Variants in KHDRBS2 observed in about 807,000 individuals in gnomAD.
The protein encoded by KHDRBS2 is KH domain-containing, RNA-binding, signal transduction-associated protein 2.
In KHDRBS2, 26 loss-of-function variants were observed where a neutral mutation model predicts 44.3. The observed-to-expected ratio is 0.59, with a 90% CI of 0.43 to 0.81. The LOEUF (loss-of-function observed/expected upper bound fraction) is 0.81, where lower values mean the gene tolerates loss of function less well. Among genes scored for constraint, KHDRBS2 ranks in the 40% least tolerant of loss-of-function variants. The pLI is 0.00. For synonymous variants in KHDRBS2, 194 were observed against 151.1 expected, an observed-to-expected ratio of 1.28 and a Z score of -2.08; for missense variants, 476 against 433.1, an observed-to-expected ratio of 1.10 and a Z score of -0.88.
the KHDRBS2 span, among the ~76,000 whole-genome samples, chr6:61,555,399 T>A: frequency 2.0e-5 from 3 of 152,200 alleles, no homozygotes; most frequent in Admixed American, 6.5e-5. Flanking sequence ...TCATCTTTCA[T>A]CTTCTGTATC....
intron 4 of KHDRBS2, among the ~76,000 whole-genome samples, chr6:61,947,099 T>C (rs1487634272): frequency 6.6e-6 from 1 of 152,200 alleles, no homozygotes; most frequent in Non-Finnish European, 1.5e-5. Flanking sequence ...CTTAAGCATC[T>C]ATCTAAAACT....
intron 7 of KHDRBS2, among the ~76,000 whole-genome samples, chr6:61,714,632 G>T (rs1224760395): frequency 6.6e-6 from 1 of 151,824 alleles, no homozygotes; most frequent in East Asian, 1.9e-4. Flanking sequence ...CTATAGCAAA[G>T]ATATGTAATC....
Position 62,072,047 on chromosome 6 carries a change from G to C in KHDRBS2, c.220-24053C>G, listed in dbSNP as rs529868648. On this transcript the variant is annotated intron_variant, in intron 2 of 8. Coordinates refer to ENST00000281156, the MANE Select transcript of KHDRBS2 (RefSeq NM_152688.4). ...AGTGGTTTGTAGTTCTCCTTGAAGA[G>C]GTCTTTCACATCCCTTGCAAGTTGG... is the stretch of plus-strand genomic sequence containing the variant. 9.3e-4 allele frequency among the ~76,000 whole-genome samples: 141 copies of C among 152,148 alleles called. 2 individuals carry two copies. The South Asian group carries it at 0.01, about 11-fold the overall frequency.
At chr6:61,931,360 A>C (rs1305719412) in intron 4 of KHDRBS2, among the ~76,000 whole-genome samples, 7 of 152,014 alleles carry the variant, frequency 4.6e-5, no homozygotes, top group Admixed American at 2.0e-4. Context: ...ATGAAAGTAT[A>C]GTATTACCCA....
chr6:61,952,017 C>A (rs1562503749), intron 4 of KHDRBS2, among the ~76,000 whole-genome samples: 1 of 152,008 alleles, frequency 6.6e-6, no homozygotes. Context: ...AAAGTTTGCA[C>A]TGGAGAATAA....
chr6:61,723,759 T>C (rs547929434), intron 7 of KHDRBS2, among the ~76,000 whole-genome samples: 2 of 152,106 alleles, frequency 1.3e-5, no homozygotes, highest in South Asian at 4.2e-4. Context: ...AAGATAGGCA[T>C]ACAAGAATAG....
chr6:61,798,756 G>A (rs1308454355), intron 6 of KHDRBS2, among the ~76,000 whole-genome samples: 1 of 151,782 alleles, frequency 6.6e-6, no homozygotes, highest in African/African-American at 2.4e-5. Flanking sequence ...GTTTTCCAGT[G>A]CTTTTACTCT....
chr6:61,978,852 T>C (rs1773264215), intron 3 of KHDRBS2, among the ~76,000 whole-genome samples: 1 of 152,124 alleles, frequency 6.6e-6, no homozygotes, highest in South Asian at 2.1e-4. Context: ...TGATTCTGCA[T>C]GGGCTACGTA....
intron 6 of KHDRBS2, among the ~76,000 whole-genome samples, chr6:61,749,303 G>A (rs1259990449): frequency 2.6e-5 from 4 of 152,140 alleles, no homozygotes; most frequent in East Asian, 1.9e-4. Context: ...GTGAGCCACC[G>A]TGCCCCGCCT....
intron 4 of KHDRBS2, among the ~76,000 whole-genome samples, chr6:61,966,771 T>C (rs903144557): frequency 7.2e-5 from 11 of 152,002 alleles, no homozygotes; most frequent in Non-Finnish European, 1.0e-4. Context: ...ATAAAACCAC[T>C]AGGATCAGGT....
chr6:62,016,904 T>G (rs1781313938), intron 3 of KHDRBS2, among the ~76,000 whole-genome samples: 1 of 152,078 alleles, frequency 6.6e-6, no homozygotes, highest in Non-Finnish European at 1.5e-5. Flanking sequence ...TTGTTTCTCT[T>G]ATTTAAATTT....
intron 3 of KHDRBS2, among the ~76,000 whole-genome samples, chr6:62,040,661 T>C (rs148466573): frequency 5.6e-4 from 85 of 152,260 alleles, no homozygotes; most frequent in African/African-American, 1.9e-3. Context: ...CTGGCACCTA[T>C]ACATGGCCTT....
intron 8 of KHDRBS2, among the ~76,000 whole-genome samples, chr6:61,689,016 A>G (rs1230484019): frequency 6.6e-6 from 1 of 151,930 alleles, no homozygotes; most frequent in Non-Finnish European, 1.5e-5. Context: ...TATCAGCCCA[A>G]CCTGAGGAGT....
chr6:61,559,973 T>G, the KHDRBS2 span, among the ~76,000 whole-genome samples: 1 of 152,162 alleles, frequency 6.6e-6, no homozygotes, highest in East Asian at 1.9e-4. Flanking sequence ...ATAACTCCAT[T>G]TAGCATTTCT....
chr6:61,861,374 T>C (rs115834160), intron 6 of KHDRBS2, among the ~76,000 whole-genome samples: 4,667 of 152,194 alleles, frequency 0.031, 244 homozygotes, highest in East Asian at 0.21. Context: ...TTAATCCACC[T>C]TGAGACAATT....
At chr6:62,235,479 T>A (rs1368338072) in intron 1 of KHDRBS2, among the ~76,000 whole-genome samples, 2 of 152,184 alleles carry the variant, frequency 1.3e-5, no homozygotes, top group Admixed American at 1.3e-4. Context: ...GAATTTTGTT[T>A]CCTTTTAATT....
intron 3 of KHDRBS2, among the ~76,000 whole-genome samples, chr6:62,032,547 T>G (rs1292364750): frequency 6.7e-6 from 1 of 149,520 alleles, no homozygotes; most frequent in African/African-American, 2.4e-5. Flanking sequence ...TACATATATA[T>G]TATATATATG....
chr6:61,928,120 A>G (rs1341695942), intron 4 of KHDRBS2, among the ~76,000 whole-genome samples: 2 of 152,244 alleles, frequency 1.3e-5, no homozygotes, highest in Non-Finnish European at 2.9e-5. Flanking sequence ...CTTATTATAT[A>G]AAATGCTGAG....
chr6:62,033,857 T>A (rs577659134), intron 3 of KHDRBS2, among the ~76,000 whole-genome samples: 8 of 151,394 alleles, frequency 5.3e-5, no homozygotes, highest in Middle Eastern at 3.2e-3. Flanking sequence ...GTTGGTTTTT[T>A]GAAAAGTTAA....
Sources: gnomAD v4.1 joint callset for allele counts (sites outside exome capture counted in the v4.1 genomes callset) on GRCh38, gnomAD v4.1.1 for gene constraint, MANE v1.5 for transcripts, NCBI Gene and HGNC (gene_info 2026-07-23, HGNC 2026-07-21) for gene names.